The following TRIO variants were observed in gnomAD, a reference collection of about 807,000 sequenced individuals.
TRIO encodes trio Rho guanine nucleotide exchange factor.
A neutral mutation model predicts 351.9 loss-of-function variants in TRIO; 58 were observed. The observed-to-expected ratio is 0.16, with a 90% CI of 0.13 to 0.21. TRIO has a LOEUF of 0.21. Among genes scored for constraint, TRIO ranks in the 10% least tolerant of loss-of-function variants. The pLI is 1.00. For synonymous variants in TRIO, 1,758 were observed against 1,595.7 expected (o/e 1.10, Z -2.42); for missense variants, 3,201 against 4,027.8 (o/e 0.79, Z 5.56).
chr5:14,494,669 C>T (rs1215622310), intron 49 of TRIO, among the ~76,000 whole-genome samples: 11 of 152,194 alleles, frequency 7.2e-5, no homozygotes, highest in Admixed American at 6.5e-4. Context: ...GAAGCCAAGG[C>T]GGGTGGATCA....
At chr5:14,486,608 T>C (rs1755930248) in intron 47 of TRIO, among the ~76,000 whole-genome samples, 3 of 152,174 alleles carry the variant, frequency 2.0e-5, no homozygotes, top group South Asian at 4.1e-4. Flanking sequence ...GTCTTTAAAA[T>C]AGAATGAACT....
chr5:14,502,518 G>A (rs1334720997), intron 53 of TRIO, 61 bp from the exon 54 acceptor site: 49 of 1,570,876 alleles, frequency 3.1e-5, no homozygotes, highest in Non-Finnish European at 4.2e-5. Context: ...CGTGGCGATA[G>A]CCTTCTTACC....
intron 1 of TRIO, among the ~76,000 whole-genome samples, chr5:14,233,480 ACTCT>A (rs1031668972): frequency 1.3e-5 from 2 of 150,854 alleles, no homozygotes; most frequent in Admixed American, 1.3e-4. Context: ...ACAGAATGAG[ACTCT>A]CTGTCAAAAG....
chr5:14,148,800 G>T (rs530994401), intron 1 of TRIO, among the ~76,000 whole-genome samples: 1 of 152,226 alleles, frequency 6.6e-6, no homozygotes, highest in African/African-American at 2.4e-5. Flanking sequence ...TGATGGTGTG[G>T]TTGGCCTGGT....
intron 9 of TRIO, among the ~76,000 whole-genome samples, chr5:14,324,854 G>A (rs1740224059): frequency 6.6e-6 from 1 of 152,172 alleles, no homozygotes; most frequent in Non-Finnish European, 1.5e-5. Flanking sequence ...CAAATGCATG[G>A]CTATTTCTAT....
At chr5:14,357,021 A>AG (rs527970252) in intron 11 of TRIO, among the ~76,000 whole-genome samples, 44 of 152,220 alleles carry the variant, frequency 2.9e-4, no homozygotes, top group Non-Finnish European at 5.7e-4. Context: ...CTCACGGTGA[A>AG]GTGGGTATAG....
chr5:14,487,679 G>T lies in TRIO; in HGVS notation c.7051G>T (p.Val2351Leu), dbSNP rs199638306. The T allele has an allele frequency of 7.1e-7, 1 of 1,408,826 alleles. No individual in the cohort carries two copies. The highest frequency in any genetic ancestry group is 2.4e-5 in the Admixed American group (1 of 42,420). The allele number at this position is 1,408,826 out of a possible 1,614,324, so 87.3% of individuals were successfully genotyped here. A position where few individuals can be genotyped will look rare whatever the true frequency, so the allele number is the denominator to read the frequency against. Residue 2351 changes from valine (V) to leucine (L), a missense_variant, in exon 48 of 57, where the codon GTG becomes TTG. Transcript: ENST00000344204. Reference sequence around the variant, plus strand: ...CCAGCCTGTCCGACACCACCCCCCCGTGCTGGTCTCCTCTGCAGCCTCGAG... The same window carrying T: ...CCAGCCTGTCCGACACCACCCCCCCTTGCTGGTCTCCTCTGCAGCCTCGAG... ...IPQPVRHHPP[V>L]LVSSAASSQA...
chr5:14,316,690 G>A lies in TRIO; in HGVS notation c.1678G>A (p.Val560Ile). 1.2e-6 allele frequency: 2 copies of A among 1,614,200 alleles called. No individual in the cohort carries two copies. Among genetic ancestry groups the A allele is most frequent in the Non-Finnish European group, 1.7e-6 (2 of 1,180,038 alleles). ...QLENIWQHRK[V>I]RLHQRLQLCV... ...GGAGAACATCTGGCAACACCGCAAG[G>A]TCCGGCTGCATCAGAGGCTGCAGCT... The change falls in exon 9 of 57, where the codon GTC becomes ATC. Residue 560 changes from valine to isoleucine, a missense_variant. Around this residue, in one of 19 missense-constraint regions of TRIO, gnomAD observed 349 missense variants for 449.3 expected, o/e 0.78. Transcript: ENST00000344204.
intron 7 of TRIO, among the ~76,000 whole-genome samples, chr5:14,299,610 G>A (rs1192760030): frequency 6.6e-6 from 1 of 152,212 alleles, no homozygotes; most frequent in Non-Finnish European, 1.5e-5. Context: ...TCCCAAGAGA[G>A]CAATCCCAAG....
chr5:14,280,777 CT>C (rs1400447956), intron 3 of TRIO, among the ~76,000 whole-genome samples: 2 of 152,090 alleles, frequency 1.3e-5, no homozygotes, highest in Non-Finnish European at 2.9e-5. Context: ...TTGGGTGCTG[CT>C]TTTGACAATG....
chr5:14,483,610 A>G (rs547978095), intron 46 of TRIO, among the ~76,000 whole-genome samples: 1 of 152,286 alleles, frequency 6.6e-6, no homozygotes, highest in South Asian at 2.1e-4. Context: ...CCATTTGCCT[A>G]AACCTGGGGT....
chr5:14,281,970 A>G (rs1022247906), intron 3 of TRIO, among the ~76,000 whole-genome samples: 18 of 152,208 alleles, frequency 1.2e-4, no homozygotes, highest in African/African-American at 4.1e-4. Context: ...AAGCGGGACA[A>G]GGCAGCCATG....
At position 14,330,981 on chromosome 5, in the gene TRIO, A is replaced by T. The variant is rs1323992939; in HGVS notation, c.1854+81A>T. 7 of 1,581,588 alleles carry T rather than the reference A, an allele frequency of 4.4e-6. No homozygotes were observed. In the Admixed American group the frequency reaches 6.8e-5, roughly 15 times the overall value. On this transcript the variant is annotated intron_variant, in intron 10 of 56. Coordinates refer to ENST00000344204, the MANE Select transcript of TRIO (RefSeq NM_007118.4). The stretch of plus-strand genomic sequence containing the variant: ...GATTACAGTTTTAACCACATTTGAG[A>T]TAAGTTAGCATTAGCTCGATGTGTT...
At chr5:14,380,265 G>C (rs550901915) in intron 20 of TRIO, among the ~76,000 whole-genome samples, 1 of 28,090 alleles carries the variant, frequency 3.6e-5, no homozygotes, top group Non-Finnish European at 7.3e-5. Flanking sequence ...TCTTCCCGGC[G>C]CCCCGCCTCC....
chr5:14,267,842 TC>T (rs1795773309), intron 1 of TRIO, among the ~76,000 whole-genome samples: 3 of 152,216 alleles, frequency 2.0e-5, no homozygotes, highest in Admixed American at 1.3e-4. Context: ...AACTCAAGTT[TC>T]TTTGTGTGGT....
At position 14,387,839 on chromosome 5, in the gene TRIO, C is replaced by T. The variant is rs1579505216; in HGVS notation, c.3873C>T (p.Arg1291=). 17 of 1,613,870 alleles carry T rather than the reference C, an allele frequency of 1.1e-5. No homozygotes were observed. The East Asian group carries it at 3.8e-4, about 36-fold the overall frequency. The change falls in exon 23 of 57, where the codon CGC becomes CGT. Residue 1291 remains arginine (R), a synonymous_variant. Transcript: ENST00000344204. ...ATGAAGAGAAGCGGAAATCTGCCCG[C>T]AGGAAAGAGTAAGCCAGTCTTTCAG... ...ELNEEKRKSA[R]RKEFIMAELI...
intron 1 of TRIO, among the ~76,000 whole-genome samples, chr5:14,236,924 T>C (rs1387798711): frequency 1.3e-5 from 2 of 152,198 alleles, no homozygotes; most frequent in African/African-American, 4.8e-5. Flanking sequence ...CAACCTGTTT[T>C]TATAACCTGA....
chr5:14,504,451 A>G lies in TRIO; in HGVS notation c.8470A>G (p.Thr2824Ala). ...DQKGTKRAVATKFVNKKLMKR... is the reference protein window; with the variant it reads ...DQKGTKRAVAAKFVNKKLMKR... The stretch of plus-strand genomic sequence containing the variant: ...GAAAGGAACCAAGCGAGCAGTGGCC[A>G]CTAAGTTTGTGAACAAGAAGTTGAT... Residue 2824 changes from threonine (T) to alanine (A), a missense_variant, in exon 55 of 57, where the codon ACT becomes GCT. By Grantham distance (58) the Thr-to-Ala change is moderately conservative (BLOSUM62 0). Around this residue, in one of 19 missense-constraint regions of TRIO, gnomAD observed 1,089 missense variants for 954.9 expected, o/e 1.14. Transcript: ENST00000344204. 3 of 1,614,200 alleles carry G rather than the reference A, an allele frequency of 1.9e-6. No individual in the cohort carries two copies. The highest frequency in any genetic ancestry group is 2.5e-6 in the Non-Finnish European group (3 of 1,180,032).
intron 55 of TRIO, among the ~76,000 whole-genome samples, chr5:14,505,463 T>C (rs73752103): frequency 0.024 from 3,694 of 152,334 alleles, 138 homozygotes; most frequent in African/African-American, 0.074. Flanking sequence ...AAACCTTTTG[T>C]CACCATTTGG....
Sources: allele counts gnomAD v4.1 joint callset (sites outside exome capture counted in the v4.1 genomes callset), GRCh38; gene constraint gnomAD v4.1.1; regional missense constraint gnomAD v4.1.1; transcripts MANE v1.5; gene names NCBI Gene and HGNC (gene_info 2026-07-23, HGNC 2026-07-21).